Variants in ETS2 observed in about 807,000 individuals in gnomAD.
ETS2 encodes the protein protein C-ets-2.
In ETS2, 19 loss-of-function variants were observed where a neutral mutation model predicts 54.9. The ratio of observed to expected loss-of-function variants is 0.35; its 90% CI spans 0.24 to 0.51. ETS2 has a LOEUF of 0.51. ETS2 is among the 20% of genes least tolerant of loss of function. ETS2 has a pLI of 0.97. For synonymous variants in ETS2, 219 were observed against 229.3 expected, an observed-to-expected ratio of 0.95 and a Z score of 0.41; for missense variants, 417 against 593.0, an observed-to-expected ratio of 0.70 and a Z score of 3.08.
At chr21:38,810,137 A>C in intron 2 of ETS2, 31 bp downstream of exon 2, 1 of 1,326,466 alleles carries the variant, frequency 7.5e-7, no homozygotes, top group South Asian at 1.5e-5. Context: ...TTTTTTTTTT[A>C]ATTGGAAAAC....
In ETS2 at chr21:38,805,968, C is replaced by T; in HGVS notation, c.-153C>T. ...GAGACTGACGAGTGCGGTGTCGCTC[C>T]AGCTCAGAGCTCCCGGAGCCGCCCG... is the stretch of plus-strand genomic sequence containing the variant. On this transcript the variant is annotated 5_prime_UTR_variant, in exon 1 of 10. Coordinates refer to ENST00000360938, the MANE Select transcript of ETS2 (RefSeq NM_005239.6). The surrounding 1 kb of genome is among the most constrained non-coding windows in gnomAD (Gnocchi z 5.2). 3 of 1,267,686 alleles carry T rather than the reference C, an allele frequency of 2.4e-6. No homozygotes were observed. The highest frequency in any genetic ancestry group is 3.1e-6 in the Non-Finnish European group (3 of 980,560). The allele number at this position is 1,267,686 out of a possible 1,614,324, so 78.5% of individuals were successfully genotyped here.
At position 38,823,299 on chromosome 21, in the gene ETS2, G is replaced by A. The variant is rs141493936; in HGVS notation, c.*410G>A. On this transcript the variant is annotated 3_prime_UTR_variant, in exon 10 of 10. Coordinates refer to ENST00000360938, the MANE Select transcript of ETS2 (RefSeq NM_005239.6). ...ATGCAAAAACTCTTTGAGAGGGTAG[G>A]AGGGTGGGAAGGAAACAACCATGTC... The A allele has an allele frequency of 3.4e-4, 53 of 157,394 alleles. No homozygotes were observed. In the East Asian group the frequency reaches 3.5e-3, roughly 10 times the overall value. 9.7% of individuals were successfully genotyped at this position (157,394 alleles called of 1,614,324 possible).
chr21:38,806,411 G>A lies in ETS2; in HGVS notation c.-1+291G>A. On this transcript the variant is annotated intron_variant, in intron 1 of 9. Transcript: ENST00000360938. This position sits in a 1 kb window ranked among gnomAD's most constrained non-coding sequence, Gnocchi z 4.3. The stretch of plus-strand genomic sequence containing the variant: ...GGTCGCCTAGCGGCGGGCGCGGCCA[G>A]GGCGCGCTGGCTTGTTTCGCTCGCT... The A allele has an allele frequency of 1.0e-6, 1 of 985,914 alleles. No individual in the cohort carries two copies. The highest frequency in any genetic ancestry group is 1.7e-5 in the African/African-American group (1 of 57,372). 61.1% of individuals were successfully genotyped at this position (985,914 alleles called of 1,614,324 possible). A position where few individuals can be genotyped will look rare whatever the true frequency, so the allele number is the denominator to read the frequency against.
In ETS2 at chr21:38,822,980, A is replaced by T. The variant is rs77488352; in HGVS notation, c.*91A>T. The T allele has an allele frequency of 4.7e-4, 500 of 1,064,846 alleles. 4 individuals are homozygous for T. The African/African-American group carries it at 7.2e-3, about 15-fold the overall frequency. The allele number at this position is 1,064,846 out of a possible 1,614,324, so 66.0% of individuals were successfully genotyped here. A position where few individuals can be genotyped will look rare whatever the true frequency, so the allele number is the denominator to read the frequency against. On this transcript the variant is annotated 3_prime_UTR_variant, in exon 10 of 10. Coordinates refer to ENST00000360938, the MANE Select transcript of ETS2 (RefSeq NM_005239.6). ...GCTGCTCCGAGGACCCAGGAAAGGC[A>T]GGATTGAAAATGTCCAGGAAAGTGG... is the stretch of plus-strand genomic sequence containing the variant.
Position 38,817,032 on chromosome 21 carries a change from A to G in ETS2, c.530A>G (p.Gln177Arg). 1 of 1,612,324 alleles carries G rather than the reference A, an allele frequency of 6.2e-7. No homozygotes were observed. The highest frequency in any genetic ancestry group is 8.5e-7 in the Non-Finnish European group (1 of 1,178,378). Residue 177 changes from glutamine to arginine, a missense_variant, in exon 6 of 10, where the codon CAA becomes CGA. Gln to Arg is a conservative substitution (Grantham distance 43). This residue lies in a region of ETS2 where 326 missense variants were observed against 426.1 expected (regional missense o/e 0.76). Transcript: ENST00000360938. ...IKENQEKTED[Q>R]YEENSHLTSV... ...GAAAACCAAGAAAAGACAGAAGATC[A>G]ATATGAAGAAAATTCACACCTCACC...
chr21:38,805,239 C>T (rs1452412529), upstream of ETS2: 3 of 902,192 alleles, frequency 3.3e-6, no homozygotes, highest in Non-Finnish European at 4.4e-6. This position sits in a 1 kb window ranked among gnomAD's most constrained non-coding sequence, Gnocchi z 5.2. Context: ...CGATCAGCAC[C>T]ACGACTCGGG....
rs774020003 is a variant in ETS2, at chr21:38,822,819, A to G, written c.1340A>G (p.Gln447Arg). The G allele has an allele frequency of 4.3e-6, 7 of 1,613,296 alleles. No homozygotes were observed. The highest frequency in any genetic ancestry group is 5.9e-6 in the Non-Finnish European group (7 of 1,179,468). Residue 447 changes from glutamine to arginine, a missense_variant, in exon 10 of 10, where the codon CAG becomes CGG. Physicochemically the swap from Gln to Arg is conservative, Grantham distance 43. Transcript: ENST00000360938. ...RYVYRFVCDL[Q>R]NLLGFTPEEL... ...GTGTACCGCTTCGTGTGCGACCTCCAGAACTTGCTGGGGTTCACGCCCGAG... is the reference window on the plus strand; with the variant it reads ...GTGTACCGCTTCGTGTGCGACCTCCGGAACTTGCTGGGGTTCACGCCCGAG...
In ETS2 at chr21:38,822,875, G is replaced by A. The variant is rs1005358178; in HGVS notation, c.1396G>A (p.Asp466Asn). 13 of 1,583,598 alleles carry A rather than the reference G, an allele frequency of 8.2e-6. No individual in the cohort carries two copies. The highest frequency in any genetic ancestry group is 2.7e-5 in the African/African-American group (2 of 74,258). The change falls in exon 10 of 10, where the codon GAC (aspartate) becomes AAC (asparagine). Residue 466 changes from aspartate to asparagine, a missense_variant. Asp to Asn is a conservative substitution (Grantham distance 23). Transcript: ENST00000360938. ...ELHAILGVQP[D>N]TED ...GCACGCCATCCTGGGCGTCCAGCCC[G>A]ACACGGAGGACTGAGGTCGCCGGGA... is the stretch of plus-strand genomic sequence containing the variant.
chr21:38,813,081 G>C lies in ETS2; in HGVS notation c.151G>C (p.Glu51Gln), dbSNP rs758609091. ...PSLNEEQTLQ[E>Q]VPTGLDSISH... is the part of the protein sequence containing the mutation. ...TCTAAATGAAGAGCAAACACTGCAA[G>C]AAGTGCCAACAGGCTTGGATTCCAT... The change falls in exon 3 of 10, where the codon GAA becomes CAA. Residue 51 changes from glutamate (E) to glutamine (Q), a missense_variant. Around this residue, in one of 3 missense-constraint regions of ETS2, gnomAD observed 326 missense variants for 426.1 expected, o/e 0.76. Coordinates refer to ENST00000360938, the MANE Select transcript of ETS2 (RefSeq NM_005239.6). 1.2e-6 allele frequency: 2 copies of C among 1,613,600 alleles called. No homozygotes were observed.
At chr21:38,818,745 T>C (rs1244905694) in intron 7 of ETS2, 99 bp downstream of exon 7, 1 of 1,375,482 alleles carries the variant, frequency 7.3e-7, no homozygotes. Context: ...GATTCAGCCA[T>C]TAGAGAAGGG....
At position 38,821,395 on chromosome 21, in the gene ETS2, C is replaced by T. The variant is rs543131253; in HGVS notation, c.1076-191C>T. On this transcript the variant is annotated intron_variant, in intron 8 of 9. Transcript: ENST00000360938. The surrounding 1 kb of genome is among the most constrained non-coding windows in gnomAD (Gnocchi z 4.2). The stretch of plus-strand genomic sequence containing the variant: ...GAGCAGGAACTCACATTTGGTGCCC[C>T]GCCCCATCCCGTTAAAGCACTTAGT... Among the ~76,000 whole-genome samples the T allele has an allele frequency of 1.6e-4, 24 of 152,232 alleles. No homozygotes were observed. In the South Asian group the frequency reaches 2.1e-3, roughly 13 times the overall value.
At chr21:38,819,883 C>T (rs994245544) in intron 8 of ETS2, 117 bp downstream of exon 8, 3 of 945,576 alleles carry the variant, frequency 3.2e-6, no homozygotes, top group African/African-American at 3.3e-5. Context: ...TACACCAGTG[C>T]TCTACACTCC....
chr21:38,819,904 C>T (rs189269697), intron 8 of ETS2, 138 bp downstream of exon 8: 96 of 822,394 alleles, frequency 1.2e-4, no homozygotes, highest in South Asian at 1.0e-3. Context: ...ATGTTTTATG[C>T]GTGGCTTGCT....
chr21:38,822,832 G>T lies in ETS2; in HGVS notation c.1353G>T (p.Gly451=). The change falls in exon 10 of 10, where the codon GGG becomes GGT. Residue 451 remains glycine, a synonymous_variant. Transcript: ENST00000360938. ...TGTGCGACCTCCAGAACTTGCTGGGGTTCACGCCCGAGGAACTGCACGCCA... is the reference window on the plus strand; with the variant it reads ...TGTGCGACCTCCAGAACTTGCTGGGTTTCACGCCCGAGGAACTGCACGCCA... ...RFVCDLQNLL[G]FTPEELHAIL... is the part of the protein sequence containing the mutation. 1.2e-6 allele frequency: 2 copies of T among 1,611,678 alleles called. No homozygotes were observed. The highest frequency in any genetic ancestry group is 1.7e-6 in the Non-Finnish European group (2 of 1,178,328).
Position 38,818,523 on chromosome 21 carries a change from C to G in ETS2, c.688C>G (p.Leu230Val), listed in dbSNP as rs372641031. Residue 230 changes from leucine to valine, a missense_variant, in exon 7 of 10, where the codon CTC becomes GTC. Leu to Val is a conservative substitution (Grantham distance 32, BLOSUM62 1). Coordinates refer to ENST00000360938, the MANE Select transcript of ETS2 (RefSeq NM_005239.6). ...SMCPASTPSV[L>V]SSEQEFQMFP... ...GTGTCCGGCCTCCACACCCAGCGTACTCAGCTCTGAGCAGGAGTTTCAGAT... is the reference window on the plus strand; with the variant it reads ...GTGTCCGGCCTCCACACCCAGCGTAGTCAGCTCTGAGCAGGAGTTTCAGAT... The G allele has an allele frequency of 1.2e-6, 2 of 1,614,094 alleles. No individual in the cohort carries two copies. Among genetic ancestry groups the G allele is most frequent in the Admixed American group, 1.7e-5 (1 of 60,004 alleles).
chr21:38,809,553 C>T (rs2060906146), intron 1 of ETS2: 1 of 153,338 alleles, frequency 6.5e-6, no homozygotes, highest in African/African-American at 2.4e-5. Flanking sequence ...TCCTGGACTC[C>T]TTTCCTGTCT....
Position 38,817,153 on chromosome 21 carries a change from T to A in ETS2, c.589+62T>A. 3 of 1,122,784 alleles carry A rather than the reference T, an allele frequency of 2.7e-6. No individual in the cohort carries two copies. The South Asian group carries it at 3.8e-5, about 14-fold the overall frequency. 69.6% of individuals were successfully genotyped at this position (1,122,784 alleles called of 1,614,324 possible). ...TTCAGTCTTCCCAGTAGACTTGGAA[T>A]CTCTCTACTGTAGGCTCCTAAGGGG... is the stretch of plus-strand genomic sequence containing the variant. On this transcript the variant is annotated intron_variant, in intron 6 of 9. Transcript: ENST00000360938.
At position 38,814,763 on chromosome 21, in the gene ETS2, T is replaced by C. The variant is rs565259008; in HGVS notation, c.305-18T>C. ...TGTTTTTACCTCATGTGTTCCATTT[T>C]TTCTTCTCTCCTGGTAGACCCCTGG... On this transcript the variant is annotated intron_variant, in intron 4 of 9. Transcript: ENST00000360938. This position sits in a 1 kb window ranked among gnomAD's most constrained non-coding sequence, Gnocchi z 4.2. 4 of 1,611,728 alleles carry C rather than the reference T, an allele frequency of 2.5e-6. No homozygotes were observed. The African/African-American group carries it at 5.3e-5, about 21-fold the overall frequency.
chr21:38,814,391 G>C lies in ETS2; in HGVS notation c.303G>C (p.Lys101Asn), dbSNP rs1341661839. The C allele has an allele frequency of 6.2e-7, 1 of 1,614,104 alleles. No homozygotes were observed. ...AACAGCGGCGCCTGGGCATTCCAAAGAGTAAGTACTGCTTTCCTGAGCCTG... is the reference window on the plus strand; with the variant it reads ...AACAGCGGCGCCTGGGCATTCCAAACAGTAAGTACTGCTTTCCTGAGCCTG... Reference protein sequence around the residue: ...KKEQRRLGIPKNPWLWSEQQV... With the variant: ...KKEQRRLGIPNNPWLWSEQQV... Residue 101 changes from lysine (K) to asparagine (N), a missense_variant and splice_region_variant, in exon 4 of 10, where the codon AAG (lysine) becomes AAC (asparagine). Physicochemically the swap from Lys to Asn is moderately conservative, Grantham distance 94 (BLOSUM62 0). Transcript: ENST00000360938. The surrounding 1 kb of genome is among the most constrained non-coding windows in gnomAD (Gnocchi z 4.2).
Sources: gnomAD v4.1 joint callset for allele counts (sites outside exome capture counted in the v4.1 genomes callset) on GRCh38, gnomAD v4.1.1 for gene constraint, gnomAD v4.1.1 regional missense constraint, Gnocchi (gnomAD v3.1) non-coding constraint, MANE v1.5 for transcripts, NCBI Gene and HGNC (gene_info 2026-07-23, HGNC 2026-07-21) for gene names.